CSMD1: variants seen among roughly 807,000 people sequenced by gnomAD.
The protein encoded by CSMD1 is CUB and Sushi multiple domains 1.
CSMD1 carries 213 observed loss-of-function variants against 417.5 expected under a neutral mutation model. The observed-to-expected ratio is 0.51, with a 90% CI of 0.46 to 0.57. The LOEUF (loss-of-function observed/expected upper bound fraction) is 0.57, where lower values mean the gene tolerates loss of function less well. CSMD1 is among the 20% of genes least tolerant of loss of function. CSMD1 has a pLI of 0.00. For synonymous variants in CSMD1, 2,862 were observed against 1,736.8 expected, an observed-to-expected ratio of 1.65 and a Z score of -16.11; for missense variants, 6,923 against 4,529.7, an observed-to-expected ratio of 1.53 and a Z score of -15.17.
chr8:3,252,826 C>A (rs1438728053), intron 26 of CSMD1, among the ~76,000 whole-genome samples: 1 of 152,264 alleles, frequency 6.6e-6, no homozygotes, highest in South Asian at 2.1e-4. Flanking sequence ...TCCATTTCTT[C>A]TAGATTTTCT....
intron 26 of CSMD1, among the ~76,000 whole-genome samples, chr8:3,271,523 G>C (rs184602572): frequency 6.8e-6 from 1 of 147,942 alleles, no homozygotes; most frequent in East Asian, 2.0e-4. Flanking sequence ...CACAATGGTT[G>C]AACTAGTTTA....
intron 3 of CSMD1, among the ~76,000 whole-genome samples, chr8:4,356,072 G>T (rs995933682): frequency 2.6e-5 from 4 of 152,124 alleles, no homozygotes; most frequent in Non-Finnish European, 4.4e-5. Flanking sequence ...AGTGTACACT[G>T]CACCATATAT....
At chr8:4,222,932 C>A (rs924862) in intron 3 of CSMD1, among the ~76,000 whole-genome samples, 152,135 of 152,318 alleles carry the variant, frequency 1, 75,976 homozygotes, top group Non-Finnish European at 1. Context: ...TAATCCAAGT[C>A]CTAAAAAGAC....
At chr8:4,517,475 G>A (rs1283650036) in intron 2 of CSMD1, among the ~76,000 whole-genome samples, 1 of 152,122 alleles carries the variant, frequency 6.6e-6, no homozygotes, top group Non-Finnish European at 1.5e-5. Context: ...TAGACACATA[G>A]ATAATGTTCC....
intron 5 of CSMD1, among the ~76,000 whole-genome samples, chr8:3,891,669 C>T (rs1160619944): frequency 7.0e-6 from 1 of 142,798 alleles, no homozygotes; most frequent in African/African-American, 2.5e-5. Context: ...GGTGACAAAG[C>T]AAGACCTTGT....
chr8:4,107,584 G>C (rs367744263), intron 3 of CSMD1, among the ~76,000 whole-genome samples: 4 of 152,194 alleles, frequency 2.6e-5, no homozygotes, highest in African/African-American at 9.7e-5. Context: ...TTATAAGCAA[G>C]CGCTTTGTGA....
At chr8:3,554,660 T>C (rs899734362) in intron 10 of CSMD1, among the ~76,000 whole-genome samples, 1 of 152,158 alleles carries the variant, frequency 6.6e-6, no homozygotes, top group Non-Finnish European at 1.5e-5. Context: ...AGCACCTTAG[T>C]TTTCTTGAGC....
chr8:4,739,631 G>T (rs1021839802), intron 1 of CSMD1, among the ~76,000 whole-genome samples: 1 of 152,104 alleles, frequency 6.6e-6, no homozygotes, highest in Non-Finnish European at 1.5e-5. Context: ...GGTTATCATG[G>T]CATTAACACA....
rs576387954 is a variant in CSMD1, at chr8:4,633,805, C to A, written c.302+3537G>T. Reference sequence around the variant, plus strand: ...CAAACTCCTGACCTCAGGTGATCCACCCGCCTTAGCCTCCCAAATTGCTGG... The same window carrying A: ...CAAACTCCTGACCTCAGGTGATCCAACCGCCTTAGCCTCCCAAATTGCTGG... On this transcript the variant is annotated intron_variant, in intron 2 of 69. Coordinates refer to ENST00000635120, the MANE Select transcript of CSMD1 (RefSeq NM_033225.6). Among the ~76,000 whole-genome samples the A allele has an allele frequency of 2.6e-5, 4 of 151,880 alleles. No individual in the cohort carries two copies. The East Asian group carries it at 5.8e-4, about 22-fold the overall frequency.
At chr8:3,804,602 T>G (rs1179040993) in intron 5 of CSMD1, among the ~76,000 whole-genome samples, 1 of 152,290 alleles carries the variant, frequency 6.6e-6, no homozygotes, top group Admixed American at 6.5e-5. Context: ...TTTTGTAGTA[T>G]CTTTTTCATT....
intron 2 of CSMD1, among the ~76,000 whole-genome samples, chr8:4,557,926 T>C (rs912353113): frequency 1.3e-5 from 2 of 152,186 alleles, no homozygotes; most frequent in African/African-American, 4.8e-5. Context: ...CATCATATCT[T>C]AGGCTATGCA....
intron 52 of CSMD1, among the ~76,000 whole-genome samples, chr8:3,004,390 A>G (rs905156725): frequency 3.3e-5 from 5 of 152,192 alleles, no homozygotes; most frequent in African/African-American, 4.8e-5. Context: ...AAATTGTCCT[A>G]TTAAAGTGTG....
chr8:4,353,392 C>T (rs146907333), intron 3 of CSMD1, among the ~76,000 whole-genome samples: 29 of 152,268 alleles, frequency 1.9e-4, no homozygotes, highest in Non-Finnish European at 2.2e-4. Flanking sequence ...CCGTGTGGAA[C>T]TGTGAGTCCA....
intron 12 of CSMD1, among the ~76,000 whole-genome samples, chr8:3,427,379 G>T (rs758470425): frequency 2.6e-5 from 4 of 151,960 alleles, no homozygotes; most frequent in Non-Finnish European, 5.9e-5. Context: ...TAAAAAGATG[G>T]TCCCTGTCTC....
intron 8 of CSMD1, among the ~76,000 whole-genome samples, chr8:3,594,873 A>G (rs1478698507): frequency 6.6e-6 from 1 of 152,142 alleles, no homozygotes; most frequent in Non-Finnish European, 1.5e-5. Flanking sequence ...AGCTTCTGAG[A>G]GCCCTGCAAT....
At chr8:3,196,951 G>C (rs1796738284) in intron 33 of CSMD1, among the ~76,000 whole-genome samples, 2 of 152,130 alleles carry the variant, frequency 1.3e-5, no homozygotes, top group Admixed American at 6.5e-5. Context: ...AGGGTCACTG[G>C]CCACAGCCTT....
At chr8:4,066,694 A>T (rs1799268064) in intron 3 of CSMD1, among the ~76,000 whole-genome samples, 1 of 152,096 alleles carries the variant, frequency 6.6e-6, no homozygotes, top group South Asian at 2.1e-4. Context: ...TCCAACCTGA[A>T]ATTAGATGAT....
rs1161271793 is a variant in CSMD1, at chr8:3,772,402, T to TAC, written c.819-18361_819-18360insGT. Among the ~76,000 whole-genome samples, 107 of 140,712 alleles carry TAC rather than the reference T, an allele frequency of 7.6e-4. 13 individuals are homozygous for TAC. The highest frequency in any genetic ancestry group is 3.8e-3 in the Middle Eastern group (1 of 260). The allele number at this position is 140,712 out of a possible 152,430, so 92.3% of individuals were successfully genotyped here. A position where few individuals can be genotyped will look rare whatever the true frequency, so the allele number is the denominator to read the frequency against. On this transcript the variant is annotated intron_variant, in intron 5 of 69. Coordinates refer to ENST00000635120, the MANE Select transcript of CSMD1 (RefSeq NM_033225.6). ...ATTCATATATTTATATATACACATA[T>TAC]ATACATATATTTATATATACACATA...
At chr8:3,865,257 A>G (rs1007324841) in intron 5 of CSMD1, among the ~76,000 whole-genome samples, 2 of 152,232 alleles carry the variant, frequency 1.3e-5, no homozygotes, top group Admixed American at 6.5e-5. Context: ...AAGTAGGGAC[A>G]GTAAGTTACT....
Sources: allele counts gnomAD v4.1 joint callset (sites outside exome capture counted in the v4.1 genomes callset), GRCh38; gene constraint gnomAD v4.1.1; transcripts MANE v1.5; gene names NCBI Gene and HGNC (gene_info 2026-07-23, HGNC 2026-07-21).